The following AP3S2 variants were observed in gnomAD, a reference collection of about 807,000 sequenced individuals.
AP3S2 encodes AP-3 complex subunit sigma-2.
In AP3S2, 22 loss-of-function variants were observed where a neutral mutation model predicts 23.4. The observed-to-expected ratio is 0.94, with a 90% CI of 0.67 to 1.34. The LOEUF (loss-of-function observed/expected upper bound fraction) is 1.34. AP3S2 is among the 40% of genes most tolerant of loss of function. The pLI, the probability that AP3S2 is intolerant of heterozygous loss-of-function variation, is 0.00. For synonymous variants in AP3S2, 86 were observed against 87.1 expected, an observed-to-expected ratio of 0.99 and a Z score of 0.07; for missense variants, 241 against 236.9, an observed-to-expected ratio of 1.02 and a Z score of -0.11.
At chr15:89,841,744 G>C (rs761406637) in intron 4 of AP3S2, among the ~76,000 whole-genome samples, 5 of 152,102 alleles carry the variant, frequency 3.3e-5, no homozygotes, top group Non-Finnish European at 7.4e-5. Flanking sequence ...GCCCAGAACA[G>C]AGTTTTGGTA....
At chr15:89,837,321 AACC>A (rs1475557548) in intron 5 of AP3S2, among the ~76,000 whole-genome samples, 1 of 152,144 alleles carries the variant, frequency 6.6e-6, no homozygotes, top group East Asian at 1.9e-4. Context: ...AGGAATTACA[AACC>A]ACAAACATGG....
intron 4 of AP3S2, among the ~76,000 whole-genome samples, chr15:89,855,945 T>TAAA (rs34784306): frequency 4.5e-5 from 5 of 111,986 alleles, no homozygotes; most frequent in Non-Finnish European, 7.1e-5. Flanking sequence ...ATATGTCCTT[T>TAAA]AAAAAAAAAA....
intron 1 of AP3S2, among the ~76,000 whole-genome samples, chr15:89,892,732 T>C (rs1202992627): frequency 6.6e-6 from 1 of 152,196 alleles, no homozygotes. Flanking sequence ...GGCGCTATCT[T>C]GGCTCACTGC....
chr15:89,867,086 T>G (rs1475645156), intron 4 of AP3S2, among the ~76,000 whole-genome samples: 3 of 140,158 alleles, frequency 2.1e-5, no homozygotes, highest in Admixed American at 7.4e-5. Context: ...GAAGCTGGAC[T>G]GTACTACTGC....
At chr15:89,870,747 T>C (rs74329885) in intron 4 of AP3S2, among the ~76,000 whole-genome samples, 1 of 152,302 alleles carries the variant, frequency 6.6e-6, no homozygotes, top group Admixed American at 6.5e-5. Context: ...GGGATCATAA[T>C]GACAACAATC....
intron 4 of AP3S2, among the ~76,000 whole-genome samples, chr15:89,862,198 A>C (rs1896022713): frequency 6.6e-6 from 1 of 152,214 alleles, no homozygotes; most frequent in African/African-American, 2.4e-5. Context: ...TGCCAGAAAC[A>C]ATCAAGAGAC....
chr15:89,869,493 G>A (rs1466902372), intron 4 of AP3S2, among the ~76,000 whole-genome samples: 3 of 141,768 alleles, frequency 2.1e-5, no homozygotes, highest in Non-Finnish European at 3.0e-5. Context: ...TTGTTTATCT[G>A]CTGACCTTCC....
At chr15:89,893,685 G>T in intron 1 of AP3S2, 196 bp downstream of exon 1, 1 of 562,268 alleles carries the variant, frequency 1.8e-6, no homozygotes. Flanking sequence ...CAGCGAGAGC[G>T]GGGCAGTAGG....
intron 4 of AP3S2, 180 bp from the exon 5 acceptor site, chr15:89,837,902 C>T (rs1038800875): frequency 1.0e-5 from 6 of 595,328 alleles, no homozygotes; most frequent in Admixed American, 9.7e-5. Flanking sequence ...GGTCTTGGCA[C>T]ATGGCAACAC....
chr15:89,884,698 AG>A lies in AP3S2; in HGVS notation c.273+3822del, dbSNP rs200767272. 8.3e-3 allele frequency among the ~76,000 whole-genome samples: 1,248 copies of A among 149,632 alleles called. 27 individuals carry two copies. Among genetic ancestry groups the A allele is most frequent in the African/African-American group, 0.029 (1,179 of 40,392 alleles). On this transcript the variant is annotated intron_variant, in intron 3 of 5. Coordinates refer to ENST00000336418, the MANE Select transcript of AP3S2 (RefSeq NM_005829.5). ...AGTCTCACTCTATCACCCAGGCTGG[AG>A]TGCAGTGGCGCAATCTCGGCTCACT...
chr15:89,864,030 T>G (rs1424855037), intron 4 of AP3S2, among the ~76,000 whole-genome samples: 2 of 152,230 alleles, frequency 1.3e-5, no homozygotes, highest in Non-Finnish European at 2.9e-5. Context: ...TCTGATTCCT[T>G]GCATCACTTG....
At chr15:89,879,299 T>A (rs1896516334) in intron 3 of AP3S2, among the ~76,000 whole-genome samples, 1 of 152,248 alleles carries the variant, frequency 6.6e-6, no homozygotes, top group African/African-American at 2.4e-5. Context: ...TTCAGCAGTA[T>A]CTATCCATTT....
intron 3 of AP3S2, chr15:89,877,175 G>T: frequency 2.1e-6 from 1 of 485,888 alleles, no homozygotes; most frequent in South Asian, 1.6e-5. Flanking sequence ...GAAGCAATAG[G>T]AAGTACTGTA....
chr15:89,858,516 AG>A (rs1567178766), intron 4 of AP3S2, among the ~76,000 whole-genome samples: 68 of 49,878 alleles, frequency 1.4e-3, no homozygotes, highest in African/African-American at 4.5e-3. Flanking sequence ...AGAGAGAGAG[AG>A]AGAGAGAGAA....
At chr15:89,865,032 GT>G (rs1356116326) in intron 4 of AP3S2, among the ~76,000 whole-genome samples, 2 of 152,126 alleles carry the variant, frequency 1.3e-5, no homozygotes, top group Admixed American at 1.3e-4. Flanking sequence ...TAAAAATTAA[GT>G]TCTATATCCA....
intron 3 of AP3S2, among the ~76,000 whole-genome samples, chr15:89,887,426 C>T (rs2141901355): frequency 6.6e-6 from 1 of 152,012 alleles, no homozygotes; most frequent in African/African-American, 2.4e-5. Flanking sequence ...GGCTGGAGTG[C>T]AGTGGTGCGA....
chr15:89,866,294 G>A (rs893276799), intron 4 of AP3S2, among the ~76,000 whole-genome samples: 3 of 148,442 alleles, frequency 2.0e-5, no homozygotes, highest in African/African-American at 7.4e-5. Flanking sequence ...CACCATGGAG[G>A]TATACTCCAC....
At chr15:89,886,181 G>C (rs999533850) in intron 3 of AP3S2, among the ~76,000 whole-genome samples, 3 of 151,774 alleles carry the variant, frequency 2.0e-5, no homozygotes, top group South Asian at 4.2e-4. Context: ...AAACCCTGTC[G>C]CTACTAAAAC....
intron 3 of AP3S2, among the ~76,000 whole-genome samples, chr15:89,882,755 G>C (rs1236413061): frequency 1.3e-5 from 2 of 152,176 alleles, no homozygotes; most frequent in Non-Finnish European, 2.9e-5. Context: ...GGATTTTCTA[G>C]ATAATCAATT....
Sources: allele counts gnomAD v4.1 joint callset (sites outside exome capture counted in the v4.1 genomes callset), GRCh38; gene constraint gnomAD v4.1.1; transcripts MANE v1.5; gene names NCBI Gene and HGNC (gene_info 2026-07-23, HGNC 2026-07-21).